Variants in SEC31B observed in about 807,000 individuals in gnomAD.
The protein encoded by SEC31B is SEC31 homolog B, COPII component.
In SEC31B, 113 loss-of-function variants were observed where a neutral mutation model predicts 135.0. The observed-to-expected ratio is 0.84, with a 90% confidence interval of 0.72 to 0.98. The LOEUF is 0.98. Among genes scored for constraint, SEC31B ranks in the 50% least tolerant of loss-of-function variants. SEC31B has a pLI of 0.00. For missense variants in SEC31B, 1,296 were observed against 1,421.1 expected (o/e 0.91, Z 1.42); for synonymous variants, 508 against 549.4 (o/e 0.92, Z 1.05).
chr10:100,514,783 T>TA lies in SEC31B; in HGVS notation c.203+1312dup, dbSNP rs1267878299. ...CCTTCTAGACCAGTAACCTCTAATA[T>TA]AAAAAAAATTAACAGAAATTACACT... On this transcript the variant is annotated intron_variant, in intron 3 of 25. Transcript: ENST00000370345. 8.6e-5 allele frequency among the ~76,000 whole-genome samples: 13 copies of TA among 151,754 alleles called. No individual in the cohort carries two copies. The East Asian group carries it at 2.5e-3, about 29-fold the overall frequency.
intron 3 of SEC31B, among the ~76,000 whole-genome samples, chr10:100,510,591 A>G (rs1851719828): frequency 6.6e-6 from 1 of 152,208 alleles, no homozygotes; most frequent in African/African-American, 2.4e-5. Flanking sequence ...CCCTTTGGAG[A>G]AGCCAGATAT....
At chr10:100,508,110 C>G in intron 5 of SEC31B, 59 bp from the exon 6 acceptor site, 1 of 1,601,202 alleles carries the variant, frequency 6.2e-7, no homozygotes, top group Non-Finnish European at 8.5e-7. Flanking sequence ...AAAGTGACAT[C>G]TGCTGTTCCA....
At position 100,495,533 on chromosome 10, in the gene SEC31B, T is replaced by G; in HGVS notation, c.2324A>C (p.Gln775Pro). 1 of 1,613,468 alleles carries G rather than the reference T, an allele frequency of 6.2e-7. No homozygotes were observed. Among genetic ancestry groups the G allele is most frequent in the Non-Finnish European group, 8.5e-7 (1 of 1,179,840 alleles). ...AGCATGAAAAAGCCGATCTCTTAGC[T>G]GCTGAACTGGTGGCTATAAGTTTTA... ...PRDCAQPPVQ[Q>P]LRDRLFHAQG... Residue 775 changes from glutamine (Q) to proline (P), a missense_variant, in exon 19 of 26, where the codon CAG (glutamine) becomes CCG (proline). Gln to Pro is a moderately conservative substitution (Grantham distance 76). Coordinates refer to ENST00000370345, the MANE Select transcript of SEC31B (RefSeq NM_015490.4).
At chr10:100,504,778 T>A (rs1237828822) in intron 10 of SEC31B, among the ~76,000 whole-genome samples, 1 of 151,884 alleles carries the variant, frequency 6.6e-6, no homozygotes, top group East Asian at 1.9e-4. Flanking sequence ...CTTGAAAGGC[T>A]GTGGTAGCAT....
At chr10:100,500,286 C>A in intron 11 of SEC31B, 2 of 426,178 alleles carry the variant, frequency 4.7e-6, no homozygotes, top group Non-Finnish European at 4.6e-6. Flanking sequence ...CCAAGTGTAG[C>A]CTACAGTAGT....
At position 100,487,769 on chromosome 10, in the gene SEC31B, G is replaced by T; in HGVS notation, c.3387C>A (p.Leu1129=). The T allele has an allele frequency of 6.2e-7, 1 of 1,613,678 alleles. No homozygotes were observed. Among genetic ancestry groups the T allele is most frequent in the Non-Finnish European group, 8.5e-7 (1 of 1,179,788 alleles). Residue 1129 remains leucine, a synonymous_variant, in exon 26 of 26, where the codon CTC becomes CTA. Transcript: ENST00000370345. ...GTLSPHVVAG[L]HEVARCVDAG... ...CATCCACACATCGGGCAACCTCATG[G>T]AGCCCAGCCACGACATGAGGTGAGA...
At chr10:100,516,353 G>A in intron 2 of SEC31B, 134 bp from the exon 3 acceptor site, 1 of 1,115,150 alleles carries the variant, frequency 9.0e-7, no homozygotes, top group Non-Finnish European at 1.3e-6. Context: ...CTCCACAAAA[G>A]CAAGAAAACG....
chr10:100,516,052 C>G (rs370699509), intron 3 of SEC31B, 44 bp downstream of exon 3: 1 of 1,599,826 alleles, frequency 6.3e-7, no homozygotes, highest in East Asian at 2.3e-5. Flanking sequence ...CAGGATTCCA[C>G]GTCAGTATCT....
intron 10 of SEC31B, among the ~76,000 whole-genome samples, chr10:100,504,038 G>A (rs1401454542): frequency 1.3e-5 from 2 of 152,116 alleles, no homozygotes; most frequent in Non-Finnish European, 1.5e-5. Flanking sequence ...GTACTTGATA[G>A]TTTTACAAAG....
chr10:100,487,422 C>G lies in SEC31B; in HGVS notation c.*194G>C, dbSNP rs578171617. On this transcript the variant is annotated 3_prime_UTR_variant, in exon 26 of 26. Transcript: ENST00000370345. ...AGGCCTGAGAGTGTCTTGGACAGAT[C>G]CTAGAAGGCCAGACATAAAGGAGTA... 2.2e-5 allele frequency: 13 copies of G among 601,910 alleles called. No individual in the cohort carries two copies. In the South Asian group the frequency reaches 2.6e-4, roughly 12 times the overall value. The allele number at this position is 601,910 out of a possible 1,614,324, so 37.3% of individuals were successfully genotyped here. A position where few individuals can be genotyped will look rare whatever the true frequency, so the allele number is the denominator to read the frequency against.
rs1851835036 is a variant in SEC31B at position 100,515,991 on chromosome 10, C to A, written c.203+105G>T. On this transcript the variant is annotated intron_variant, in intron 3 of 25. Transcript: ENST00000370345. ...ACTTTTCTCCAACTTGGCAAAGCTC[C>A]TTCTTCCCTCACTTGGCTCCTCATG... 8 of 1,395,856 alleles carry A rather than the reference C, an allele frequency of 5.7e-6. No individual in the cohort carries two copies. The South Asian group carries it at 7.9e-5, about 14-fold the overall frequency. The allele number at this position is 1,395,856 out of a possible 1,614,324, so 86.5% of individuals were successfully genotyped here.
In SEC31B at chr10:100,496,382, C is replaced by T. The variant is rs768192279; in HGVS notation, c.2186G>A (p.Arg729Gln). ...GCCTGGGCTCACCCCATGAGGACCC[C>T]GCAGTTGCTCCAAGCTCCTGTTAAG... ...MVLNRSLEQLRGPHGVSPGPA... is the reference protein window; with the variant it reads ...MVLNRSLEQLQGPHGVSPGPA... Residue 729 changes from arginine (R) to glutamine (Q), a missense_variant, in exon 18 of 26, where the codon CGG becomes CAG. Transcript: ENST00000370345. 118 of 1,614,060 alleles carry T rather than the reference C, an allele frequency of 7.3e-5. No homozygotes were observed. Among genetic ancestry groups the T allele is most frequent in the South Asian group, 1.4e-4 (13 of 91,088 alleles).
chr10:100,489,931 A>G, intron 21 of SEC31B, 77 bp downstream of exon 21: 1 of 1,530,602 alleles, frequency 6.5e-7, no homozygotes, highest in Non-Finnish European at 8.8e-7. Context: ...CTCTGACTTG[A>G]GGAAAGACTC....
rs756381935 is a variant in SEC31B at position 100,489,260 on chromosome 10, T to G, written c.3163A>C (p.Ser1055Arg). ...TACATTGTCCTTGTCACCTGCAGGCTGAGTTCTCCTGGAACTCCTGGGGGA... is the reference window on the plus strand; with the variant it reads ...TACATTGTCCTTGTCACCTGCAGGCGGAGTTCTCCTGGAACTCCTGGGGGA... The part of the protein sequence containing the change: ...HAPPGVPGEL[S>R]LQLQHLPPEK... The change falls in exon 23 of 26, where the codon AGC becomes CGC. Residue 1055 changes from serine to arginine, a missense_variant. Coordinates refer to ENST00000370345, the MANE Select transcript of SEC31B (RefSeq NM_015490.4). 1 of 1,607,038 alleles carries G rather than the reference T, an allele frequency of 6.2e-7. No individual in the cohort carries two copies. The highest frequency in any genetic ancestry group is 8.5e-7 in the Non-Finnish European group (1 of 1,177,718).
chr10:100,511,065 T>C (rs2133695317), intron 3 of SEC31B, among the ~76,000 whole-genome samples: 1 of 152,202 alleles, frequency 6.6e-6, no homozygotes, highest in East Asian at 1.9e-4. Flanking sequence ...ACACATGACA[T>C]ACAGAGCACA....
intron 19 of SEC31B, among the ~76,000 whole-genome samples, chr10:100,493,990 G>T (rs1257303333): frequency 1.3e-5 from 2 of 151,208 alleles, no homozygotes; most frequent in Non-Finnish European, 2.9e-5. Flanking sequence ...GGGAAAAGGG[G>T]AGACAAGGGA....
rs1276936644 is a variant in SEC31B at position 100,490,298 on chromosome 10, C to T, written c.2675G>A (p.Gly892Glu). The T allele has an allele frequency of 6.2e-7, 1 of 1,613,434 alleles. No individual in the cohort carries two copies. The highest frequency in any genetic ancestry group is 8.5e-7 in the Non-Finnish European group (1 of 1,179,724). The part of the protein sequence containing the change: ...RPASSQPQLL[G>E]GQRVQVPNPV... ...GTTAGGAACTTGCACCCTTTGCCCT[C>T]CTAATAGCTGTGGCTGAGATGAAGC... The change falls in exon 21 of 26, where the codon GGA becomes GAA. Residue 892 changes from glycine (G) to glutamate (E), a missense_variant. Coordinates refer to ENST00000370345, the MANE Select transcript of SEC31B (RefSeq NM_015490.4).
At chr10:100,518,416 A>G (rs1335150310) in intron 1 of SEC31B, among the ~76,000 whole-genome samples, 1 of 152,140 alleles carries the variant, frequency 6.6e-6, no homozygotes, top group African/African-American at 2.4e-5. Flanking sequence ...AAAAAGCCTC[A>G]GTTTTTTTCT....
In SEC31B at chr10:100,509,002, C is replaced by A. The variant is rs1228972709; in HGVS notation, c.495+5G>T. On this transcript the variant is annotated splice_donor_5th_base_variant and intron_variant, in intron 5 of 25. Transcript: ENST00000370345. The stretch of plus-strand genomic sequence containing the variant: ...CCAGGGTTGGGTAGTGGGGGTGCTG[C>A]TCACCTGTGACTTGGATCCCAGGGT... The A allele has an allele frequency of 6.2e-7, 1 of 1,611,666 alleles. No homozygotes were observed. Among genetic ancestry groups the A allele is most frequent in the African/African-American group, 1.3e-5 (1 of 74,858 alleles).
Sources: allele counts gnomAD v4.1 joint callset (sites outside exome capture counted in the v4.1 genomes callset), GRCh38; gene constraint gnomAD v4.1.1; transcripts MANE v1.5; gene names NCBI Gene and HGNC (gene_info 2026-07-23, HGNC 2026-07-21).